The following WDFY4 variants were observed in gnomAD, a reference collection of about 807,000 sequenced individuals.
The protein encoded by WDFY4 is WDFY family member 4, also known as WD repeat- and FYVE domain-containing protein 4.
WDFY4 carries 169 observed loss-of-function variants against 351.9 expected under a neutral mutation model. The observed-to-expected ratio is 0.48, with a 90% confidence interval of 0.42 to 0.55. The LOEUF (loss-of-function observed/expected upper bound fraction) is 0.55, where lower values mean the gene tolerates loss of function less well. WDFY4 is among the 20% of genes least tolerant of loss of function. The pLI, the probability that WDFY4 is intolerant of heterozygous loss-of-function variation, is 0.00. For synonymous variants in WDFY4, 1,622 were observed against 1,574.6 expected (o/e 1.03, Z -0.71); for missense variants, 3,803 against 3,935.6 (o/e 0.97, Z 0.90).
intron 60 of WDFY4, 68 bp downstream of exon 60, chr10:48,978,461 C>T (rs1842671461): frequency 1.4e-6 from 2 of 1,428,338 alleles, no homozygotes; most frequent in Admixed American, 2.3e-5. Context: ...CCTCTCTCCA[C>T]CTCAGCCCAA....
At chr10:48,976,697 A>C in intron 58 of WDFY4, 100 bp from the exon 59 acceptor site, 1 of 1,123,636 alleles carries the variant, frequency 8.9e-7, no homozygotes, top group East Asian at 3.2e-5. Flanking sequence ...AGAGCATGAC[A>C]GATTGAGAGT....
At chr10:48,712,154 C>T (rs568163016) in intron 2 of WDFY4, among the ~76,000 whole-genome samples, 4 of 152,208 alleles carry the variant, frequency 2.6e-5, no homozygotes, top group Non-Finnish European at 5.9e-5. Context: ...AGGCTCAAGT[C>T]CTGGCTGCAT....
At chr10:48,938,426 G>T (rs1302523004) in intron 47 of WDFY4, among the ~76,000 whole-genome samples, 1 of 152,248 alleles carries the variant, frequency 6.6e-6, no homozygotes, top group African/African-American at 2.4e-5. Context: ...GAGAGCCTTT[G>T]GTCTGGGGTC....
intron 11 of WDFY4, among the ~76,000 whole-genome samples, chr10:48,740,847 G>A (rs2064829319): frequency 6.6e-6 from 1 of 152,196 alleles, no homozygotes; most frequent in South Asian, 2.1e-4. Flanking sequence ...GTGTCCCTCT[G>A]AGAAGTGGTG....
intron 51 of WDFY4, among the ~76,000 whole-genome samples, chr10:48,954,805 G>A (rs1841506905): frequency 6.6e-6 from 1 of 152,120 alleles, no homozygotes; most frequent in South Asian, 2.1e-4. Flanking sequence ...TATTAATATA[G>A]CAAATAGGAA....
intron 51 of WDFY4, among the ~76,000 whole-genome samples, chr10:48,953,480 C>A (rs1308079278): frequency 6.6e-6 from 1 of 152,202 alleles, no homozygotes; most frequent in Non-Finnish European, 1.5e-5. Context: ...GAACTTCCTG[C>A]CCAAGCCAGT....
chr10:48,724,751 T>G (rs2064209065), intron 5 of WDFY4, among the ~76,000 whole-genome samples: 1 of 152,116 alleles, frequency 6.6e-6, no homozygotes, highest in Non-Finnish European at 1.5e-5. Flanking sequence ...GGCTTCACTT[T>G]GAGAGGTGAC....
intron 2 of WDFY4, among the ~76,000 whole-genome samples, chr10:48,719,448 G>A (rs966079487): frequency 7.9e-5 from 12 of 152,200 alleles, no homozygotes; most frequent in Admixed American, 7.8e-4. Flanking sequence ...GGCCTGGAGA[G>A]TCTAATCTGC....
intron 12 of WDFY4, among the ~76,000 whole-genome samples, chr10:48,749,301 C>T (rs1360126774): frequency 6.6e-6 from 1 of 151,954 alleles, no homozygotes; most frequent in African/African-American, 2.4e-5. Context: ...ACCCCTACAC[C>T]AAACACACTA....
chr10:48,733,888 C>T, intron 9 of WDFY4, 43 bp from the exon 10 acceptor site: 1 of 1,527,926 alleles, frequency 6.5e-7, no homozygotes, highest in Admixed American at 2.0e-5. Context: ...GGTCATACCA[C>T]ATGTACTTAA....
At chr10:48,728,597 G>A (rs915527113) in intron 7 of WDFY4, among the ~76,000 whole-genome samples, 3 of 152,244 alleles carry the variant, frequency 2.0e-5, no homozygotes, top group Non-Finnish European at 4.4e-5. Flanking sequence ...GGGGGCCAAA[G>A]TCCTTTGGTC....
At chr10:48,688,134 G>A (rs1411251539) in intron 1 of WDFY4, among the ~76,000 whole-genome samples, 2 of 152,212 alleles carry the variant, frequency 1.3e-5, no homozygotes, top group Non-Finnish European at 2.9e-5. Flanking sequence ...TGTGAGTTGA[G>A]TTGTCATGTG....
At chr10:48,735,435 A>C (rs537858243) in intron 10 of WDFY4, among the ~76,000 whole-genome samples, 1 of 152,222 alleles carries the variant, frequency 6.6e-6, no homozygotes, top group Non-Finnish European at 1.5e-5. Flanking sequence ...GGAAGAAATT[A>C]TGGGGAAATC....
At chr10:48,758,626 A>G (rs1431915011) in intron 12 of WDFY4, among the ~76,000 whole-genome samples, 1 of 152,090 alleles carries the variant, frequency 6.6e-6, no homozygotes, top group Non-Finnish European at 1.5e-5. Context: ...TTTGTTGTTC[A>G]GATTAGGCAA....
At chr10:48,957,633 C>A (rs952264124) in intron 52 of WDFY4, among the ~76,000 whole-genome samples, 1 of 152,232 alleles carries the variant, frequency 6.6e-6, no homozygotes, top group Non-Finnish European at 1.5e-5. Context: ...AAGCTCCTGG[C>A]CCCGACCAGT....
intron 53 of WDFY4, among the ~76,000 whole-genome samples, chr10:48,961,293 T>A (rs559950181): frequency 6.6e-6 from 1 of 152,320 alleles, no homozygotes; most frequent in Non-Finnish European, 1.5e-5. Flanking sequence ...CATAGTCTGA[T>A]AAAAGACAGA....
chr10:48,931,188 C>G (rs1839982147), intron 47 of WDFY4, among the ~76,000 whole-genome samples: 1 of 152,090 alleles, frequency 6.6e-6, no homozygotes, highest in African/African-American at 2.4e-5. Context: ...TTCACTGGAG[C>G]TAGATTTGCC....
At chr10:48,839,995 C>T (rs954425116) in intron 39 of WDFY4, among the ~76,000 whole-genome samples, 1 of 152,166 alleles carries the variant, frequency 6.6e-6, no homozygotes, top group African/African-American at 2.4e-5. Flanking sequence ...TGCCTCTCTC[C>T]CAGTCTGGCC....
At chr10:48,706,699 A>G (rs2063638903) in intron 1 of WDFY4, among the ~76,000 whole-genome samples, 1 of 152,212 alleles carries the variant, frequency 6.6e-6, no homozygotes, top group Non-Finnish European at 1.5e-5. Context: ...ATCTATCTTT[A>G]GATCCAACTA....
Sources: gnomAD v4.1 joint callset for allele counts (sites outside exome capture counted in the v4.1 genomes callset) on GRCh38, gnomAD v4.1.1 for gene constraint, MANE v1.5 for transcripts, NCBI Gene and HGNC (gene_info 2026-07-23, HGNC 2026-07-21) for gene names.